Variants in SPATC1 observed in about 807,000 individuals in gnomAD.
The protein encoded by SPATC1 is spermatogenesis and centriole associated 1.
In SPATC1, 35 loss-of-function variants were observed where a neutral mutation model predicts 36.5. That is an observed-to-expected ratio of 0.96 (90% CI 0.73 to 1.27). The LOEUF is 1.27. SPATC1 is among the 50% of genes most tolerant of loss of function. SPATC1 has a pLI of 0.00. For synonymous variants in SPATC1, 361 were observed against 353.6 expected (o/e 1.02, Z -0.24); for missense variants, 779 against 796.0 (o/e 0.98, Z 0.26).
intron 1 of SPATC1, among the ~76,000 whole-genome samples, chr8:144,031,279 T>C (rs1834786820): frequency 6.6e-6 from 1 of 152,130 alleles, no homozygotes; most frequent in Non-Finnish European, 1.5e-5. Context: ...AGGATAGTTT[T>C]ATGGAATATA....
chr8:144,037,944 A>G (rs189714802), intron 1 of SPATC1, among the ~76,000 whole-genome samples: 2,492 of 152,076 alleles, frequency 0.016, 77 homozygotes, highest in African/African-American at 0.057. Flanking sequence ...CCTGGCTAAC[A>G]CGGTGAAACC....
In SPATC1 at chr8:144,031,539, TC is replaced by T. The variant is rs1477737546; in HGVS notation, c.212-8369del. On this transcript the variant is annotated intron_variant, in intron 1 of 4. Coordinates refer to ENST00000377470, the MANE Select transcript of SPATC1 (RefSeq NM_198572.3). Reference sequence around the variant, plus strand: ...CCTGGCCTCAAGCGATCCTCTGGCCTCAAAGATTCTGTCTTTCAACTGTCTG... The same window carrying T: ...CCTGGCCTCAAGCGATCCTCTGGCCTAAAGATTCTGTCTTTCAACTGTCTG... Among the ~76,000 whole-genome samples, 1,241 of 146,644 alleles carry T rather than the reference TC, an allele frequency of 8.5e-3. 15 individuals carry two copies. Among genetic ancestry groups the T allele is most frequent in the Middle Eastern group, 0.014 (4 of 280 alleles).
rs868929175 is a variant in SPATC1, at chr8:144,040,167, T to C, written c.470T>C (p.Leu157Pro). Residue 157 changes from leucine (L) to proline (P), a missense_variant, in exon 2 of 5, where the codon CTG becomes CCG. Leu to Pro is a moderately conservative substitution (Grantham distance 98, BLOSUM62 -3). Coordinates refer to ENST00000377470, the MANE Select transcript of SPATC1 (RefSeq NM_198572.3). ...GPLTGTLASSLGLPSTGTLTP... is the reference protein window; with the variant it reads ...GPLTGTLASSPGLPSTGTLTP... ...CTAACAGGCACACTGGCCAGTTCCC[T>C]GGGCCTGCCCTCCACTGGCACCCTG... The C allele has an allele frequency of 1.9e-6, 3 of 1,610,230 alleles. No individual in the cohort carries two copies. Among genetic ancestry groups the C allele is most frequent in the Middle Eastern group, 1.7e-4 (1 of 6,060 alleles).
chr8:144,036,381 G>A (rs892233556), intron 1 of SPATC1, among the ~76,000 whole-genome samples: 1 of 152,204 alleles, frequency 6.6e-6, no homozygotes, highest in Non-Finnish European at 1.5e-5. Context: ...CTGGAGTGCA[G>A]TAGCACGATC....
chr8:144,039,806 G>A (rs1414421138), intron 1 of SPATC1, 103 bp from the exon 2 acceptor site: 1 of 1,241,936 alleles, frequency 8.1e-7, no homozygotes, highest in Non-Finnish European at 1.1e-6. Flanking sequence ...GGGACAGATG[G>A]GCACTATGGC....
intron 1 of SPATC1, among the ~76,000 whole-genome samples, chr8:144,018,587 C>T (rs1834438654): frequency 1.3e-5 from 2 of 151,994 alleles, no homozygotes; most frequent in Admixed American, 1.3e-4. Context: ...GAGTCTCTTC[C>T]ACTATCCTAG....
rs782472434 is a variant in SPATC1, at chr8:144,046,721, T to C, written c.1541T>C (p.Leu514Pro). ...AGCGTCATGAACAGGCTGCAGAGTC[T>C]GGGCTACAACGGGCGGGTGCACCCT... ...YVSVMNRLQS[L>P]GYNGRVHPAL... is the part of the protein sequence containing the mutation. Residue 514 changes from leucine (L) to proline (P), a missense_variant, in exon 5 of 5, where the codon CTG (leucine) becomes CCG (proline). Transcript: ENST00000377470. This position sits in a 1 kb window ranked among gnomAD's most constrained non-coding sequence, Gnocchi z 6.6. 62 of 1,612,522 alleles carry C rather than the reference T, an allele frequency of 3.8e-5. No individual in the cohort carries two copies. The highest frequency in any genetic ancestry group is 5.0e-5 in the Non-Finnish European group (59 of 1,180,004).
Position 144,040,626 on chromosome 8 carries a change from G to A in SPATC1, c.825G>A (p.Ala275=), listed in dbSNP as rs115434908. Reference sequence around the variant, plus strand: ...AGGACCCAGAGCCTCTCAGCATGGCGTTTGCAGGAGCACCCCTCCAGACCT... The same window carrying A: ...AGGACCCAGAGCCTCTCAGCATGGCATTTGCAGGAGCACCCCTCCAGACCT... ...STQDPEPLSM[A]FAGAPLQTST... The change falls in exon 3 of 5, where the codon GCG becomes GCA. Residue 275 remains alanine (A), a synonymous_variant. Coordinates refer to ENST00000377470, the MANE Select transcript of SPATC1 (RefSeq NM_198572.3). 2,680 of 1,611,760 alleles carry A rather than the reference G, an allele frequency of 1.7e-3. 16 individuals are homozygous for A. In the African/African-American group the frequency reaches 0.022, roughly 13 times the overall value.
chr8:144,038,170 C>A (rs1401856423), intron 1 of SPATC1, among the ~76,000 whole-genome samples: 1 of 148,830 alleles, frequency 6.7e-6, no homozygotes, highest in Non-Finnish European at 1.5e-5. Flanking sequence ...TGCAGTGGCT[C>A]ATGCCTGTAA....
At chr8:144,033,264 G>A (rs1834834331) in intron 1 of SPATC1, among the ~76,000 whole-genome samples, 1 of 152,052 alleles carries the variant, frequency 6.6e-6, no homozygotes, top group African/African-American at 2.4e-5. Context: ...TGGGCATGGT[G>A]GCACGCACCT....
intron 1 of SPATC1, among the ~76,000 whole-genome samples, chr8:144,021,541 A>C (rs1199471135): frequency 3.9e-5 from 3 of 77,070 alleles, no homozygotes; most frequent in African/African-American, 5.1e-5. Context: ...TGCCCTCAAA[A>C]CTCTCTTCCC....
intron 1 of SPATC1, among the ~76,000 whole-genome samples, chr8:144,021,035 T>A (rs1834514533): frequency 1.5e-3 from 1 of 656 alleles, no homozygotes; most frequent in Non-Finnish European, 2.7e-3. Flanking sequence ...CCTTCCCCCA[T>A]CAGGACTCTC....
At chr8:144,027,063 G>T (rs1834698643) in intron 1 of SPATC1, among the ~76,000 whole-genome samples, 1 of 147,576 alleles carries the variant, frequency 6.8e-6, no homozygotes, top group Non-Finnish European at 1.5e-5. Context: ...CGATCTCCTG[G>T]CCCCATGATC....
intron 1 of SPATC1, among the ~76,000 whole-genome samples, chr8:144,015,967 C>T (rs1427797376): frequency 2.0e-5 from 3 of 148,954 alleles, no homozygotes; most frequent in South Asian, 2.1e-4. Context: ...GAGGCTGAGG[C>T]GGGAGAATGG....
chr8:144,029,202 TAAAAAAAAAAAAAAAA>T (rs1165801794), intron 1 of SPATC1, among the ~76,000 whole-genome samples: 2 of 28,154 alleles, frequency 7.1e-5, no homozygotes, highest in East Asian at 1.3e-3. Flanking sequence ...ACCCCAGAAC[TAAAAAAAAAAAAAAAA>T]AAAAAAAAAA....
chr8:144,042,284 A>AATATATAT (rs1554756220), intron 4 of SPATC1, among the ~76,000 whole-genome samples: 92 of 36,292 alleles, frequency 2.5e-3, no homozygotes, highest in East Asian at 5.1e-3. Flanking sequence ...ACGCCCAGCT[A>AATATATAT]ATATATATAT....
intron 1 of SPATC1, among the ~76,000 whole-genome samples, chr8:144,037,864 C>CT (rs1262590902): frequency 2.9e-4 from 44 of 151,704 alleles, no homozygotes; most frequent in East Asian, 1.5e-3. Flanking sequence ...GGCTCGGTGG[C>CT]CACGCCTGTA....
Position 144,024,455 on chromosome 8 carries a change from C to T in SPATC1, c.211+11729C>T, listed in dbSNP as rs1339035858. Among the ~76,000 whole-genome samples, 180 of 138,722 alleles carry T rather than the reference C, an allele frequency of 1.3e-3. 2 individuals are homozygous for T. In the East Asian group the frequency reaches 0.032, roughly 24 times the overall value. 91.0% of individuals were successfully genotyped at this position (138,722 alleles called of 152,430 possible). On this transcript the variant is annotated intron_variant, in intron 1 of 4. Transcript: ENST00000377470. ...CTTAGGATCCTCTTCCCTCTGGATC[C>T]TCTTCCCTCAGGACCCTCTCCCCTT...
At chr8:144,021,256 CTT>C (rs1834524601) in intron 1 of SPATC1, among the ~76,000 whole-genome samples, 2,944 of 141,270 alleles carry the variant, frequency 0.021, no homozygotes, top group East Asian at 0.025. Context: ...TCAGGACTCT[CTT>C]CCTTCAGGAC....
Sources: gnomAD v4.1 joint callset for allele counts (sites outside exome capture counted in the v4.1 genomes callset) on GRCh38, gnomAD v4.1.1 for gene constraint, Gnocchi (gnomAD v3.1) non-coding constraint, MANE v1.5 for transcripts, NCBI Gene and HGNC (gene_info 2026-07-23, HGNC 2026-07-21) for gene names.